The following PTPRD variants were observed in gnomAD, a reference collection of about 807,000 sequenced individuals.
PTPRD encodes the protein receptor-type tyrosine-protein phosphatase delta.
A neutral mutation model predicts 214.5 loss-of-function variants in PTPRD; 34 were observed. The observed-to-expected ratio is 0.16, with a 90% CI of 0.12 to 0.21. PTPRD has a LOEUF of 0.21. Ranked by LOEUF, PTPRD falls within the 10% of genes least tolerant of loss-of-function variation. PTPRD has a pLI of 1.00. For synonymous variants in PTPRD, 1,128 were observed against 845.7 expected, an observed-to-expected ratio of 1.33 and a Z score of -5.79; for missense variants, 2,545 against 2,398.7, an observed-to-expected ratio of 1.06 and a Z score of -1.27.
At chr9:8,356,311 T>C (rs72691018) in intron 39 of PTPRD, among the ~76,000 whole-genome samples, 6,172 of 152,132 alleles carry the variant, frequency 0.041, 203 homozygotes, top group Admixed American at 0.11. Flanking sequence ...ATCTAAGCAA[T>C]AGAACCCAGA....
chr9:10,528,625 A>G (rs920641721), intron 2 of PTPRD, among the ~76,000 whole-genome samples: 3 of 152,218 alleles, frequency 2.0e-5, no homozygotes, highest in African/African-American at 7.2e-5. Flanking sequence ...GTATAAATAG[A>G]TGTTTGATCA....
intron 9 of PTPRD, among the ~76,000 whole-genome samples, chr9:9,381,537 T>C (rs989761976): frequency 1.2e-4 from 18 of 151,964 alleles, no homozygotes; most frequent in African/African-American, 4.3e-4. Context: ...ATTTTTGTAT[T>C]TTTGTAGAGA....
intron 11 of PTPRD, among the ~76,000 whole-genome samples, chr9:8,940,446 C>CTTTTTTTTTTTTTTTTTT (rs34288443): frequency 2.8e-4 from 27 of 95,020 alleles, no homozygotes; most frequent in Non-Finnish European, 4.4e-4. Flanking sequence ...CCACTCCCAG[C>CTTTTTTTTTTTTTTTTTT]TTTTTTTTTT....
At chr9:9,298,158 A>G (rs763851276) in intron 9 of PTPRD, among the ~76,000 whole-genome samples, 42 of 151,708 alleles carry the variant, frequency 2.8e-4, no homozygotes, top group Non-Finnish European at 4.7e-4. Context: ...GAAAGTTTGA[A>G]CTTAGGCAGT....
chr9:8,339,614 ATTC>A (rs1228035753), intron 42 of PTPRD, among the ~76,000 whole-genome samples: 1 of 152,102 alleles, frequency 6.6e-6, no homozygotes, highest in Admixed American at 6.6e-5. Context: ...CTCGTCTGAT[ATTC>A]TTTTTGTTCT....
At chr9:10,602,645 T>G (rs556028722) in intron 2 of PTPRD, among the ~76,000 whole-genome samples, 1 of 151,930 alleles carries the variant, frequency 6.6e-6, no homozygotes, top group East Asian at 1.9e-4. Context: ...CGCAGTGGTG[T>G]AAATAAGAGA....
chr9:9,093,793 A>C (rs1297717085), intron 10 of PTPRD, among the ~76,000 whole-genome samples: 1 of 151,822 alleles, frequency 6.6e-6, no homozygotes, highest in Non-Finnish European at 1.5e-5. Flanking sequence ...CTAGAAAGGG[A>C]AGAGCAAGCA....
At chr9:9,598,956 A>C (rs558704974) in intron 7 of PTPRD, among the ~76,000 whole-genome samples, 2 of 152,096 alleles carry the variant, frequency 1.3e-5, no homozygotes, top group East Asian at 3.9e-4. Context: ...CTTGGTTCCT[A>C]AGCCCCTCAT....
chr9:9,896,435 G>A (rs1165047222), intron 5 of PTPRD, among the ~76,000 whole-genome samples: 1 of 151,922 alleles, frequency 6.6e-6, no homozygotes, highest in East Asian at 1.9e-4. Context: ...ACTGGAACAG[G>A]CCTCTTCTGT....
Position 9,934,079 on chromosome 9 carries a change from G to C in PTPRD, c.-368+4428C>G, listed in dbSNP as rs1053550615. ...GAATCTCTGGGACACATTCAAAGCA[G>C]TGTGTAGAGGGAAATTTATAGCACT... On this transcript the variant is annotated intron_variant, in intron 5 of 45. Transcript: ENST00000381196. Among the ~76,000 whole-genome samples, 7 of 149,808 alleles carry C rather than the reference G, an allele frequency of 4.7e-5. 1 individual carries two copies. Among genetic ancestry groups the C allele is most frequent in the African/African-American group, 1.8e-4 (7 of 39,424 alleles).
At chr9:9,636,777 C>T (rs190178797) in intron 7 of PTPRD, among the ~76,000 whole-genome samples, 3 of 152,290 alleles carry the variant, frequency 2.0e-5, no homozygotes, top group Middle Eastern at 3.4e-3. Context: ...TTGTGTCAGT[C>T]TCTTTATCCT....
chr9:10,026,967 A>C (rs965021722), intron 4 of PTPRD, among the ~76,000 whole-genome samples: 2 of 152,126 alleles, frequency 1.3e-5, no homozygotes, highest in African/African-American at 4.8e-5. Context: ...ATCGATTTTA[A>C]CATCCCATTA....
chr9:10,237,155 T>C (rs2099631652), intron 3 of PTPRD, among the ~76,000 whole-genome samples: 1 of 151,730 alleles, frequency 6.6e-6, no homozygotes, highest in African/African-American at 2.4e-5. Flanking sequence ...ATGTTGATAA[T>C]GGGTGAGGCT....
intron 2 of PTPRD, among the ~76,000 whole-genome samples, chr9:10,561,643 A>G (rs1163109403): frequency 6.6e-6 from 1 of 152,168 alleles, no homozygotes; most frequent in African/African-American, 2.4e-5. Flanking sequence ...TCAAAGTGCA[A>G]TAGACAGAGA....
intron 4 of PTPRD, among the ~76,000 whole-genome samples, chr9:9,991,019 C>T (rs2095897113): frequency 1.3e-5 from 2 of 151,040 alleles, no homozygotes. Context: ...ACAACAACCT[C>T]TGCCTCCCAG....
At chr9:9,837,298 G>C (rs1200727166) in intron 5 of PTPRD, among the ~76,000 whole-genome samples, 1 of 152,132 alleles carries the variant, frequency 6.6e-6, no homozygotes, top group East Asian at 1.9e-4. Context: ...CTATTCTTTT[G>C]AGAGGATGGT....
intron 3 of PTPRD, among the ~76,000 whole-genome samples, chr9:10,088,128 A>G (rs1407818136): frequency 6.6e-6 from 1 of 151,762 alleles, no homozygotes; most frequent in African/African-American, 2.4e-5. Context: ...GTAAGAAAAA[A>G]CATTATTAGC....
At chr9:9,575,489 G>A (rs1176078050) in intron 7 of PTPRD, among the ~76,000 whole-genome samples, 1 of 151,776 alleles carries the variant, frequency 6.6e-6, no homozygotes, top group Non-Finnish European at 1.5e-5. Context: ...GGGAGGCCGA[G>A]GTGGGTAGAT....
intron 8 of PTPRD, among the ~76,000 whole-genome samples, chr9:9,465,164 T>C (rs767623678): frequency 6.6e-6 from 1 of 152,200 alleles, no homozygotes; most frequent in Non-Finnish European, 1.5e-5. Context: ...TACAGCAATA[T>C]AGTTTAATAA....
Sources: allele counts gnomAD v4.1 joint callset (sites outside exome capture counted in the v4.1 genomes callset), GRCh38; gene constraint gnomAD v4.1.1; transcripts MANE v1.5; gene names NCBI Gene and HGNC (gene_info 2026-07-23, HGNC 2026-07-21).